KRABD4: variants seen among roughly 807,000 people sequenced by gnomAD.
KRABD4 encodes the protein KRAB domain containing 4, also known as KRAB domain-containing protein 4.
At chrX:46,447,864 C>T in the KRABD4 span, among the ~76,000 whole-genome samples, 1 of 110,443 alleles carries the variant, frequency 9.1e-6, no homozygotes. Flanking sequence ...GTCTCCCCCG[C>T]TGGACTAGAA....
chrX:46,453,336 CT>C, the KRABD4 span, among the ~76,000 whole-genome samples: 18 of 112,012 alleles, frequency 1.6e-4, no homozygotes, highest in Non-Finnish European at 3.4e-4. Context: ...AAGTGAAACT[CT>C]TCTACATCAT....
the KRABD4 span, among the ~76,000 whole-genome samples, chrX:46,470,401 A>G: frequency 1.8e-5 from 2 of 111,369 alleles, no homozygotes; most frequent in African/African-American, 6.5e-5. Flanking sequence ...CTCCATTTCT[A>G]TAATTTTGTC....
chrX:46,456,353 TTTA>T, the KRABD4 span: 3 of 108,031 alleles, frequency 2.8e-5, no homozygotes, highest in African/African-American at 6.7e-5. Context: ...AATTTAATAA[TTTA>T]TTATTAATCA....
At chrX:46,465,179 T>A in the KRABD4 span, among the ~76,000 whole-genome samples, 4 of 113,131 alleles carry the variant, frequency 3.5e-5, no homozygotes, top group Non-Finnish European at 7.5e-5. Context: ...TGGTAACTTT[T>A]AAAAAATCTA....
At chrX:46,471,294 CTGAAAT>C in the KRABD4 span, 1 of 836,481 alleles carries the variant, frequency 1.2e-6, no homozygotes, top group Non-Finnish European at 1.6e-6. Context: ...AAGTCATTGT[CTGAAAT>C]TAATGTAATT....
At chrX:46,461,643 G>C in the KRABD4 span, among the ~76,000 whole-genome samples, 2 of 111,878 alleles carry the variant, frequency 1.8e-5, no homozygotes, top group Non-Finnish European at 3.8e-5. Context: ...TCTTTGCAAG[G>C]AATTGGGGCG....
chrX:46,459,856 T>G, the KRABD4 span, among the ~76,000 whole-genome samples: 1 of 111,892 alleles, frequency 8.9e-6, no homozygotes, highest in East Asian at 2.8e-4. Context: ...GGCTGTTCCC[T>G]CACATACCAA....
the KRABD4 span, chrX:46,454,849 GTT>G: frequency 8.7e-6 from 1 of 115,107 alleles, no homozygotes; most frequent in Non-Finnish European, 1.8e-5. Context: ...TTTTATTGTA[GTT>G]TTTTTTTATT....
the KRABD4 span, chrX:46,472,535 G>A: frequency 2.6e-6 from 1 of 378,391 alleles, no homozygotes; most frequent in Middle Eastern, 7.2e-4. Flanking sequence ...GAGCTTGGCT[G>A]CATATTAAAT....
chrX:46,465,397 C>T, the KRABD4 span, among the ~76,000 whole-genome samples: 368 of 112,796 alleles, frequency 3.3e-3, no homozygotes, highest in Middle Eastern at 9.2e-3. Flanking sequence ...GCCACATAGC[C>T]TGGGCTGGAA....
chrX:46,467,087 C>T, the KRABD4 span, among the ~76,000 whole-genome samples: 1 of 111,946 alleles, frequency 8.9e-6, no homozygotes, highest in Non-Finnish European at 1.9e-5. Context: ...GTTTATCTGT[C>T]GATGGACCAG....
At chrX:46,473,994 G>A in the KRABD4 span, 1 of 113,003 alleles carries the variant, frequency 8.8e-6, no homozygotes, top group Non-Finnish European at 1.8e-5. Context: ...TGCTGTATAT[G>A]CTACCCGCCC....
chrX:46,449,209 G>A, the KRABD4 span, among the ~76,000 whole-genome samples: 1 of 112,052 alleles, frequency 8.9e-6, no homozygotes, highest in Admixed American at 9.4e-5. Context: ...AACAGGGTAG[G>A]TGGCCAGTTA....
At chrX:46,472,978 G>T in the KRABD4 span, 5 of 1,210,819 alleles carry the variant, frequency 4.1e-6, no homozygotes, top group Non-Finnish European at 5.6e-6. Flanking sequence ...AAACTTTCTT[G>T]GTCAAAATGG....
the KRABD4 span, among the ~76,000 whole-genome samples, chrX:46,467,427 C>T: frequency 1.8e-5 from 2 of 110,336 alleles, no homozygotes; most frequent in Non-Finnish European, 3.8e-5. Flanking sequence ...TGGTGGTGCA[C>T]GCCTGTAATC....
chrX:46,462,248 A>G, the KRABD4 span, among the ~76,000 whole-genome samples: 8 of 112,091 alleles, frequency 7.1e-5, no homozygotes, highest in Non-Finnish European at 1.1e-4. Context: ...GCGATGGCTC[A>G]CGCCTGTAAT....
the KRABD4 span, chrX:46,472,497 G>C: frequency 1.2e-5 from 4 of 327,843 alleles, no homozygotes; most frequent in Non-Finnish European, 2.1e-5. Context: ...CTTCATTTTT[G>C]TCACATAATA....
chrX:46,470,448 TG>T, the KRABD4 span, among the ~76,000 whole-genome samples: 7 of 111,244 alleles, frequency 6.3e-5, no homozygotes, highest in Admixed American at 6.8e-4. Flanking sequence ...TCATACAGTA[TG>T]ATGCTTTATG....
At chrX:46,473,655 C>CTTTT in the KRABD4 span, 3 of 183,311 alleles carry the variant, frequency 1.6e-5, no homozygotes, top group Admixed American at 8.0e-5. Flanking sequence ...ATCAGTGAAT[C>CTTTT]TTTTTTTTTT....
Sources: allele counts gnomAD v4.1 joint callset (sites outside exome capture counted in the v4.1 genomes callset), GRCh38; gene constraint gnomAD v4.1.1; transcripts MANE v1.5; gene names NCBI Gene and HGNC (gene_info 2026-07-23, HGNC 2026-07-21).